The following ST3GAL6 variants were observed in gnomAD, a reference collection of about 807,000 sequenced individuals.
ST3GAL6 encodes the protein ST3 beta-galactoside alpha-2,3-sialyltransferase 6, also known as type 2 lactosamine alpha-2,3-sialyltransferase.
Under a neutral mutation model 40.5 loss-of-function variants are expected in ST3GAL6, and 31 were observed. That is an observed-to-expected ratio of 0.77 (90% CI 0.58 to 1.03). ST3GAL6 has a LOEUF of 1.03. ST3GAL6 is among the 50% of genes least tolerant of loss of function. The probability of loss-of-function intolerance (pLI) is 0.00; values close to 1 mark genes in which losing one functional copy is unlikely to be tolerated. For missense variants in ST3GAL6, 357 were observed against 393.2 expected (o/e 0.91, Z 0.78); for synonymous variants, 129 against 136.9 (o/e 0.94, Z 0.40).
intron 1 of ST3GAL6, among the ~76,000 whole-genome samples, chr3:98,754,789 A>T (rs775658393): frequency 2.0e-5 from 3 of 152,246 alleles, no homozygotes; most frequent in Non-Finnish European, 2.9e-5. Flanking sequence ...ACTAGCAAAA[A>T]GATTATAACT....
At chr3:98,772,744 G>A in intron 3 of ST3GAL6, 69 bp from the exon 4 acceptor site, 1 of 1,040,308 alleles carries the variant, frequency 9.6e-7, no homozygotes, top group Non-Finnish European at 1.5e-6. Context: ...GTTACTTTTA[G>A]TTTTGATTTT....
intron 1 of ST3GAL6, among the ~76,000 whole-genome samples, chr3:98,738,097 C>CA (rs1935718107): frequency 1.5e-5 from 2 of 129,536 alleles, no homozygotes; most frequent in African/African-American, 5.6e-5. Flanking sequence ...GCCCTCCCCC[C>CA]ACCCCCGCCT....
intron 1 of ST3GAL6, among the ~76,000 whole-genome samples, chr3:98,735,542 G>C (rs1016086758): frequency 6.6e-6 from 1 of 152,118 alleles, no homozygotes; most frequent in Non-Finnish European, 1.5e-5. Context: ...TGTCTTCAAT[G>C]GGCATATTCC....
intron 3 of ST3GAL6, 44 bp from the exon 4 acceptor site, chr3:98,772,769 A>T: frequency 7.6e-7 from 1 of 1,320,126 alleles, no homozygotes; most frequent in Non-Finnish European, 1.1e-6. Flanking sequence ...GCTTGCAAAT[A>T]TAGTAGGTAT....
At chr3:98,788,534 C>A in intron 8 of ST3GAL6, 71 bp downstream of exon 8, 1 of 1,410,992 alleles carries the variant, frequency 7.1e-7, no homozygotes, top group Non-Finnish European at 9.4e-7. Flanking sequence ...CCTGGGAACT[C>A]TCAGAAACTG....
At chr3:98,742,215 T>G (rs188896464) in intron 1 of ST3GAL6, among the ~76,000 whole-genome samples, 3 of 152,364 alleles carry the variant, frequency 2.0e-5, no homozygotes, top group Admixed American at 2.0e-4. Context: ...AATGTGTTAT[T>G]CATAGCTTAT....
At chr3:98,740,225 CTTTTT>C (rs764868667) in intron 1 of ST3GAL6, among the ~76,000 whole-genome samples, 11 of 122,148 alleles carry the variant, frequency 9.0e-5, no homozygotes, top group South Asian at 5.1e-4. Context: ...TTGCAAAACA[CTTTTT>C]TTTTTTTTTT....
intron 4 of ST3GAL6, 115 bp downstream of exon 4, chr3:98,773,031 T>A: frequency 1.6e-6 from 1 of 618,954 alleles, no homozygotes; most frequent in Non-Finnish European, 2.8e-6. Context: ...TGATTTCCAA[T>A]GGATATGATT....
At chr3:98,754,723 T>TTAGCA (rs1017972050) in intron 1 of ST3GAL6, among the ~76,000 whole-genome samples, 10 of 152,284 alleles carry the variant, frequency 6.6e-5, no homozygotes, top group African/African-American at 2.4e-4. Flanking sequence ...ACCCCAACCT[T>TTAGCA]TAGCAACCAC....
rs144717047 is a variant in ST3GAL6, at chr3:98,745,500, C to T, written c.-12+12968C>T. Among the ~76,000 whole-genome samples, 593 of 152,290 alleles carry T rather than the reference C, an allele frequency of 3.9e-3. 4 individuals carry two copies. Among genetic ancestry groups the T allele is most frequent in the African/African-American group, 0.014 (573 of 41,562 alleles). On this transcript the variant is annotated intron_variant, in intron 1 of 9. Transcript: ENST00000265261. ...TGGCATTTCTTTTAAATCCTCTTAGCACAGACTGTCCTTTGGTCTTTAATG... is the reference window on the plus strand; with the variant it reads ...TGGCATTTCTTTTAAATCCTCTTAGTACAGACTGTCCTTTGGTCTTTAATG...
At chr3:98,753,686 C>G (rs1225428896) in intron 1 of ST3GAL6, among the ~76,000 whole-genome samples, 1 of 152,188 alleles carries the variant, frequency 6.6e-6, no homozygotes, top group Non-Finnish European at 1.5e-5. Flanking sequence ...CTAAATCAGC[C>G]AAGTGCGGTA....
intron 3 of ST3GAL6, 48 bp from the exon 4 acceptor site, chr3:98,772,765 A>T: frequency 7.7e-7 from 1 of 1,298,306 alleles, no homozygotes; most frequent in Non-Finnish European, 1.1e-6. Context: ...AAAAGCTTGC[A>T]AATATAGTAG....
chr3:98,739,834 TGATA>T (rs1254748213), intron 1 of ST3GAL6, among the ~76,000 whole-genome samples: 2 of 152,178 alleles, frequency 1.3e-5, no homozygotes, highest in Non-Finnish European at 1.5e-5. Flanking sequence ...AGCAGTGAGG[TGATA>T]GATAATCCAG....
intron 5 of ST3GAL6, 108 bp downstream of exon 5, chr3:98,774,091 C>A (rs545714006): frequency 9.8e-6 from 9 of 920,226 alleles, no homozygotes; most frequent in Non-Finnish European, 1.4e-5. Context: ...AATTTCATAG[C>A]GTTTGTGCAT....
At chr3:98,733,513 C>A in intron 1 of ST3GAL6, 1 of 986,346 alleles carries the variant, frequency 1.0e-6, no homozygotes, top group Non-Finnish European at 1.2e-6. Context: ...TAAAGTTTTT[C>A]GAGAAACCCT....
chr3:98,779,987 A>G (rs990755236), intron 5 of ST3GAL6, among the ~76,000 whole-genome samples: 3 of 152,184 alleles, frequency 2.0e-5, no homozygotes, highest in Non-Finnish European at 4.4e-5. Context: ...TACTGCAGCT[A>G]TTTCTACATG....
At position 98,756,608 on chromosome 3, in the gene ST3GAL6, TTA is replaced by T. The variant is rs199919038; in HGVS notation, c.-11-11819_-11-11818del. On this transcript the variant is annotated intron_variant, in intron 1 of 9. Coordinates refer to the ST3GAL6 transcript ENST00000265261. Reference sequence around the variant, plus strand: ...GTAAACTTGAGCACTTGTAATGTTCTTATACAATGCTTCTCTTGTGGGTGATG... The same window carrying T: ...GTAAACTTGAGCACTTGTAATGTTCTTACAATGCTTCTCTTGTGGGTGATG... The T allele has an allele frequency of 2.4e-3, 2,716 of 1,117,856 alleles. 48 individuals are homozygous for T. The African/African-American group carries it at 0.041, about 17-fold the overall frequency. The allele number at this position is 1,117,856 out of a possible 1,614,324, so 69.2% of individuals were successfully genotyped here.
rs145339754 is a variant in ST3GAL6 at position 98,782,433 on chromosome 3, T to C, written c.336-2512T>C. ...TACCATGACTCTCACAATAGCCAGA[T>C]CTGAATATAAAATCTAGTCTCTTCT... is the stretch of plus-strand genomic sequence containing the variant. On this transcript the variant is annotated intron_variant, in intron 5 of 9. Coordinates refer to ENST00000483910, the MANE Select transcript of ST3GAL6 (RefSeq NM_001323368.2). 1,763 of 623,482 alleles carry C rather than the reference T, an allele frequency of 2.8e-3. 6 individuals are homozygous for C. Among genetic ancestry groups the C allele is most frequent in the Admixed American group, 8.8e-3 (318 of 36,012 alleles). The allele number at this position is 623,482 out of a possible 1,614,324, so 38.6% of individuals were successfully genotyped here.
At chr3:98,735,137 C>T (rs564418845) in intron 1 of ST3GAL6, among the ~76,000 whole-genome samples, 3 of 152,290 alleles carry the variant, frequency 2.0e-5, no homozygotes, top group African/African-American at 7.2e-5. Context: ...ATCTTCCTGA[C>T]AAAACTCCTG....
Sources: allele counts gnomAD v4.1 joint callset (sites outside exome capture counted in the v4.1 genomes callset), GRCh38; gene constraint gnomAD v4.1.1; transcripts MANE v1.5; gene names NCBI Gene and HGNC (gene_info 2026-07-23, HGNC 2026-07-21).